The following SYT10 variants were observed in gnomAD, a reference collection of about 807,000 sequenced individuals.
SYT10 encodes the protein synaptotagmin-10.
SYT10 carries 31 observed loss-of-function variants against 51.1 expected under a neutral mutation model. The ratio of observed to expected loss-of-function variants is 0.61; its 90% CI spans 0.46 to 0.82. The LOEUF (loss-of-function observed/expected upper bound fraction) is 0.82, where lower values mean the gene tolerates loss of function less well. Ranked by LOEUF, SYT10 falls within the 40% of genes least tolerant of loss-of-function variation. SYT10 has a pLI of 0.00. For synonymous variants in SYT10, 233 were observed against 225.9 expected, an observed-to-expected ratio of 1.03 and a Z score of -0.28; for missense variants, 603 against 634.0, an observed-to-expected ratio of 0.95 and a Z score of 0.53.
rs71068378 is a variant in SYT10 at position 33,392,985 on chromosome 12, TAAAAAAAAA to T, written c.1078-7703_1078-7695del. Among the ~76,000 whole-genome samples the T allele has an allele frequency of 4.3e-3, 253 of 59,104 alleles. 2 individuals carry two copies. Among genetic ancestry groups the T allele is most frequent in the African/African-American group, 0.021 (237 of 11,078 alleles). 38.8% of individuals were successfully genotyped at this position (59,104 alleles called of 152,430 possible). A position where few individuals can be genotyped will look rare whatever the true frequency, so the allele number is the denominator to read the frequency against. On this transcript the variant is annotated intron_variant, in intron 3 of 6. Coordinates refer to ENST00000228567, the MANE Select transcript of SYT10 (RefSeq NM_198992.4). ...CAAAAATAATTGTGGTTTTTGCCAT[TAAAAAAAAA>T]AAAAAAAAAAAAAAAAAAAATTGCA... is the stretch of plus-strand genomic sequence containing the variant.
At chr12:33,416,408 C>A (rs917264126) in intron 2 of SYT10, among the ~76,000 whole-genome samples, 9 of 152,140 alleles carry the variant, frequency 5.9e-5, no homozygotes, top group Admixed American at 5.2e-4. Flanking sequence ...TAAGCTACCA[C>A]ACCCATCTCT....
intron 3 of SYT10, among the ~76,000 whole-genome samples, chr12:33,390,568 C>CTA (rs3046350): frequency 0.43 from 65,331 of 150,974 alleles, 15,016 homozygotes; most frequent in East Asian, 0.75. Flanking sequence ...ACTCCACCCT[C>CTA]TATATATATA....
At chr12:33,377,000 T>C (rs1866068645) in intron 6 of SYT10, 99 bp from the exon 7 acceptor site, 4 of 1,233,280 alleles carry the variant, frequency 3.2e-6, no homozygotes, top group East Asian at 2.3e-5. Flanking sequence ...AACCATAATA[T>C]GCGAATCTCT....
At chr12:33,435,957 C>T (rs2138443157) in intron 1 of SYT10, among the ~76,000 whole-genome samples, 2 of 152,064 alleles carry the variant, frequency 1.3e-5, no homozygotes, top group Admixed American at 1.3e-4. Context: ...TTTTTAGTCC[C>T]AAATTAAAAT....
intron 3 of SYT10, among the ~76,000 whole-genome samples, chr12:33,397,102 A>G (rs532571116): frequency 6.6e-6 from 1 of 152,222 alleles, no homozygotes; most frequent in Non-Finnish European, 1.5e-5. Flanking sequence ...GAGCACATAG[A>G]TATACAGACA....
At chr12:33,429,718 C>T (rs114522093) in intron 1 of SYT10, among the ~76,000 whole-genome samples, 1,628 of 152,206 alleles carry the variant, frequency 0.011, 34 homozygotes, top group African/African-American at 0.035. Flanking sequence ...AGTTAATAGA[C>T]TGGAGTTTCT....
chr12:33,393,972 T>A (rs945845742), intron 3 of SYT10, among the ~76,000 whole-genome samples: 1 of 152,164 alleles, frequency 6.6e-6, no homozygotes, highest in Non-Finnish European at 1.5e-5. Flanking sequence ...CTGGGAAGAG[T>A]GTCTGGTAAA....
Position 33,407,115 on chromosome 12 carries a change from T to C in SYT10, c.751A>G (p.Lys251Glu). The C allele has an allele frequency of 6.2e-7, 1 of 1,613,622 alleles. No homozygotes were observed. Among genetic ancestry groups the C allele is most frequent in the Non-Finnish European group, 8.5e-7 (1 of 1,179,860 alleles). Residue 251 changes from lysine to glutamate, a missense_variant, in exon 3 of 7, where the codon AAA becomes GAA. Coordinates refer to ENST00000228567, the MANE Select transcript of SYT10 (RefSeq NM_198992.4). ...YDYENELLVV[K>E]IIKALDLPAK... ...GGGAGATCTAAAGCTTTGATAATTT[T>C]AACAACTAGAAGTTCATTTTCATAA...
intron 1 of SYT10, among the ~76,000 whole-genome samples, chr12:33,438,515 C>A (rs1380989442): frequency 6.6e-6 from 1 of 152,144 alleles, no homozygotes; most frequent in Non-Finnish European, 1.5e-5. Context: ...CGATCCTTTC[C>A]ACCCCCAAGC....
intron 3 of SYT10, among the ~76,000 whole-genome samples, chr12:33,396,094 T>C (rs940016324): frequency 6.6e-6 from 1 of 152,158 alleles, no homozygotes; most frequent in African/African-American, 2.4e-5. Flanking sequence ...AAAATAATGA[T>C]TATATGATCT....
At chr12:33,423,261 C>T (rs1391895913) in intron 2 of SYT10, among the ~76,000 whole-genome samples, 2 of 151,740 alleles carry the variant, frequency 1.3e-5, no homozygotes, top group Non-Finnish European at 2.9e-5. Flanking sequence ...GGAGCTGGGG[C>T]ATACTAATAA....
chr12:33,374,865 T>G lies in SYT10; in HGVS notation c.*1965A>C, dbSNP rs925243521. 1 of 151,950 alleles carries G rather than the reference T, an allele frequency of 6.6e-6. No individual in the cohort carries two copies. The highest frequency in any genetic ancestry group is 1.5e-5 in the Non-Finnish European group (1 of 67,884). 9.4% of individuals were successfully genotyped at this position (151,950 alleles called of 1,614,324 possible). ...CAAAAAGTCCTTAAAAATGTGTTTT[T>G]GGGTGAAAATAATTATACTCACTTA... On this transcript the variant is annotated 3_prime_UTR_variant, in exon 7 of 7. Coordinates refer to ENST00000228567, the MANE Select transcript of SYT10 (RefSeq NM_198992.4).
At chr12:33,426,573 A>G in intron 1 of SYT10, 78 bp from the exon 2 acceptor site, 1 of 1,184,402 alleles carries the variant, frequency 8.4e-7, no homozygotes, top group Non-Finnish European at 1.1e-6. Context: ...ATTTTACATC[A>G]TAATTGTTAT....
chr12:33,438,843 C>T (rs1866658723), intron 1 of SYT10, among the ~76,000 whole-genome samples: 1 of 152,248 alleles, frequency 6.6e-6, no homozygotes, highest in Non-Finnish European at 1.5e-5. Context: ...AGGTTGCAGC[C>T]GCGGGTTACC....
chr12:33,385,621 G>A (rs1162614997), intron 3 of SYT10, among the ~76,000 whole-genome samples: 1 of 152,134 alleles, frequency 6.6e-6, no homozygotes, highest in Non-Finnish European at 1.5e-5. Context: ...TTCACCCAAA[G>A]GCTGAAGCCA....
chr12:33,416,829 A>G (rs538210999), intron 2 of SYT10, among the ~76,000 whole-genome samples: 3 of 152,306 alleles, frequency 2.0e-5, no homozygotes, highest in South Asian at 4.1e-4. Flanking sequence ...AGAAATAATA[A>G]TGCAAGCATC....
chr12:33,431,670 G>C (rs778487128), intron 1 of SYT10, among the ~76,000 whole-genome samples: 1 of 152,112 alleles, frequency 6.6e-6, no homozygotes, highest in Non-Finnish European at 1.5e-5. Context: ...AGCAGTAATT[G>C]TGTCATAATT....
chr12:33,399,684 G>T (rs1866285774), intron 3 of SYT10, among the ~76,000 whole-genome samples: 1 of 152,274 alleles, frequency 6.6e-6, no homozygotes, highest in South Asian at 2.1e-4. Flanking sequence ...TTAAGGCCAA[G>T]AAAAATCATA....
At chr12:33,420,675 A>G (rs1866495431) in intron 2 of SYT10, among the ~76,000 whole-genome samples, 1 of 152,148 alleles carries the variant, frequency 6.6e-6, no homozygotes, top group African/African-American at 2.4e-5. Context: ...CAACAGCAAA[A>G]AAGAACCAAA....
Sources: allele counts gnomAD v4.1 joint callset (sites outside exome capture counted in the v4.1 genomes callset), GRCh38; gene constraint gnomAD v4.1.1; transcripts MANE v1.5; gene names NCBI Gene and HGNC (gene_info 2026-07-23, HGNC 2026-07-21).